Variants in ZNF28 observed in about 807,000 individuals in gnomAD.
ZNF28 encodes zinc finger protein KOX24.
A neutral mutation model predicts 7.2 loss-of-function variants in ZNF28; 5 were observed. The ratio of observed to expected loss-of-function variants is 0.70; its 90% CI spans 0.36 to 1.46. The LOEUF is 1.46. Ranked by LOEUF, ZNF28 falls within the 40% of genes most tolerant of loss-of-function variation. The pLI is 0.03. For synonymous variants in ZNF28, 288 were observed against 292.4 expected (o/e 0.99, Z 0.15); for missense variants, 879 against 866.6 (o/e 1.01, Z -0.18).
At chr19:52,818,094 C>T in intron 1 of ZNF28, 63 bp from the exon 2 acceptor site, 9 of 1,439,812 alleles carry the variant, frequency 6.3e-6, no homozygotes, top group Non-Finnish European at 8.5e-6. Flanking sequence ...TGTAACACAA[C>T]AACACATACA....
At chr19:52,814,669 G>A (rs1249520226) in intron 2 of ZNF28, among the ~76,000 whole-genome samples, 2 of 145,492 alleles carry the variant, frequency 1.4e-5, no homozygotes, top group African/African-American at 5.4e-5. Context: ...GGCAGATCAC[G>A]AGGTTAGGAA....
Position 52,800,995 on chromosome 19 carries a change from T to C in ZNF28, c.850A>G (p.Thr284Ala). Residue 284 changes from threonine to alanine, a missense_variant, in exon 4 of 4, where the codon ACA becomes GCA. Physicochemically the swap from Thr to Ala is moderately conservative, Grantham distance 58 (BLOSUM62 0). Coordinates refer to ENST00000457749, the MANE Select transcript of ZNF28 (RefSeq NM_006969.5). ...NECGKIFGHN[T>A]SLFLHKALHT... ...AGCGCCTTGTGAAGGAAGAGGGATG[T>C]ATTGTGACCAAAGATCTTGCCACAC... 1.2e-6 allele frequency: 2 copies of C among 1,614,066 alleles called. No homozygotes were observed. The highest frequency in any genetic ancestry group is 1.7e-6 in the Non-Finnish European group (2 of 1,179,994).
In ZNF28 at chr19:52,801,430, G is replaced by A. The variant is rs375465067; in HGVS notation, c.415C>T (p.Gln139Ter). The A allele has an allele frequency of 6.2e-7, 1 of 1,614,204 alleles. No homozygotes were observed. Among genetic ancestry groups the A allele is most frequent in the East Asian group, 2.2e-5 (1 of 44,882 alleles). The change falls in exon 4 of 4, where the codon CAG becomes TAG. Residue 139 changes from glutamine (Q) to a stop codon, truncating the protein, a stop_gained. Coordinates refer to ENST00000457749, the MANE Select transcript of ZNF28 (RefSeq NM_006969.5). LOFTEE classifies it low-confidence loss of function (END_TRUNC). ...TGCGAATGAAAGCTTAATCCAAGCT[G>A]ATCTTTAATATGCTTGTTTCCAGCA... ...RHAGNKHIKDQLGLSFHSHLP... is the reference protein window; with the variant it reads ...RHAGNKHIKD
Position 52,800,209 on chromosome 19 carries a change from T to C in ZNF28, c.1636A>G (p.Thr546Ala), listed in dbSNP as rs2062845335. The C allele has an allele frequency of 3.1e-6, 5 of 1,613,408 alleles. No homozygotes were observed. The African/African-American group carries it at 4.0e-5, about 13-fold the overall frequency. The change falls in exon 4 of 4, where the codon ACT becomes GCT. Residue 546 changes from threonine (T) to alanine (A), a missense_variant. Physicochemically the swap from Thr to Ala is moderately conservative, Grantham distance 58. Around this residue, in one of 2 missense-constraint regions of ZNF28, gnomAD observed 864 missense variants for 830.2 expected, o/e 1.04. Transcript: ENST00000457749. The part of the protein sequence containing the change: ...ANLACHHKLH[T>A]AEKPYKCEEC... ...TCACATTTGTACGGTTTCTCTGCAGTATGAAGTTTATGATGACATGCAAGG... is the reference window on the plus strand; with the variant it reads ...TCACATTTGTACGGTTTCTCTGCAGCATGAAGTTTATGATGACATGCAAGG...
At chr19:52,804,517 C>A (rs1347938948) in intron 3 of ZNF28, among the ~76,000 whole-genome samples, 1 of 152,098 alleles carries the variant, frequency 6.6e-6, no homozygotes, top group Non-Finnish European at 1.5e-5. Flanking sequence ...ATTACAGGCG[C>A]ACGCCACCAT....
At chr19:52,804,041 C>A (rs2062906463) in intron 3 of ZNF28, among the ~76,000 whole-genome samples, 1 of 152,178 alleles carries the variant, frequency 6.6e-6, no homozygotes, top group African/African-American at 2.4e-5. Context: ...CCTGCAGATG[C>A]AGACCTTGAG....
chr19:52,808,001 C>G lies in ZNF28; in HGVS notation c.142+6G>C. 6.2e-7 allele frequency: 1 copy of G among 1,613,070 alleles called. No homozygotes were observed. Among genetic ancestry groups the G allele is most frequent in the Non-Finnish European group, 8.5e-7 (1 of 1,179,306 alleles). On this transcript the variant is annotated splice_donor_region_variant and intron_variant, in intron 3 of 3. Transcript: ENST00000457749. The stretch of plus-strand genomic sequence containing the variant: ...CAAGGGCACATCCCCAGGAGGTTAT[C>G]CTCACCCAGGGAGACCAGGTTCCTA...
chr19:52,819,821 A>G (rs1025107191), intron 1 of ZNF28, among the ~76,000 whole-genome samples: 1 of 143,716 alleles, frequency 7.0e-6, no homozygotes, highest in Non-Finnish European at 1.5e-5. Context: ...TCCTTACAAG[A>G]AAATCACACT....
chr19:52,800,128 G>C lies in ZNF28; in HGVS notation c.1717C>G (p.His573Asp). Reference protein sequence around the residue: ...KSHMERHRRIHTGEKPYKCKV... With the variant: ...KSHMERHRRIDTGEKPYKCKV... ...CATTTGTACGGTTTCTCTCCAGTAT[G>C]AATCCTCCTATGTCTTTCCATGTGT... is the stretch of plus-strand genomic sequence containing the variant. The change falls in exon 4 of 4, where the codon CAT (histidine) becomes GAT (aspartate). Residue 573 changes from histidine (H) to aspartate (D), a missense_variant. His to Asp is a moderately conservative substitution (Grantham distance 81, BLOSUM62 -1). Around this residue, in one of 2 missense-constraint regions of ZNF28, gnomAD observed 864 missense variants for 830.2 expected, o/e 1.04. Coordinates refer to ENST00000457749, the MANE Select transcript of ZNF28 (RefSeq NM_006969.5). 1 of 1,614,010 alleles carries C rather than the reference G, an allele frequency of 6.2e-7. No homozygotes were observed. The highest frequency in any genetic ancestry group is 8.5e-7 in the Non-Finnish European group (1 of 1,179,950).
intron 3 of ZNF28, chr19:52,805,989 A>G (rs2062932431): frequency 6.6e-6 from 1 of 152,200 alleles, no homozygotes; most frequent in Non-Finnish European, 1.5e-5. Context: ...TCATAAATAC[A>G]TAAAGTAATT....
intron 3 of ZNF28, among the ~76,000 whole-genome samples, chr19:52,806,189 C>T (rs1412883513): frequency 1.7e-5 from 1 of 58,906 alleles, no homozygotes; most frequent in African/African-American, 4.4e-5. Context: ...TTGCAGGTTA[C>T]AGAATTTTTT....
intron 3 of ZNF28, among the ~76,000 whole-genome samples, chr19:52,804,531 C>T (rs1489651873): frequency 6.6e-6 from 1 of 152,134 alleles, no homozygotes; most frequent in Non-Finnish European, 1.5e-5. Context: ...CCACCATACA[C>T]AGCTAATTTT....
chr19:52,818,986 T>G, intron 1 of ZNF28, among the ~76,000 whole-genome samples: 1 of 130,174 alleles, frequency 7.7e-6, no homozygotes, highest in Non-Finnish European at 1.6e-5. Flanking sequence ...GAACTTCAGA[T>G]GGGGGTGGGA....
rs2062865488 is a variant in ZNF28 at position 52,801,226 on chromosome 19, T to C, written c.619A>G (p.Asn207Asp). 5.0e-6 allele frequency: 8 copies of C among 1,614,052 alleles called. No individual in the cohort carries two copies. The highest frequency in any genetic ancestry group is 6.8e-6 in the Non-Finnish European group (8 of 1,180,036). ...LHSSLLTQKR[N>D]VHMREKSFQC... ...AAAGATTTTTCTCTCATGTGTACAT[T>C]CCGTTTTTGTGTGAGTAATGAAGAA... The change falls in exon 4 of 4, where the codon AAT (asparagine) becomes GAT (aspartate). Residue 207 changes from asparagine to aspartate, a missense_variant. This residue lies in a region of ZNF28 where 864 missense variants were observed against 830.2 expected (regional missense o/e 1.04). Transcript: ENST00000457749.
chr19:52,820,645 A>T (rs12984004), intron 1 of ZNF28, among the ~76,000 whole-genome samples: 16,494 of 149,926 alleles, frequency 0.11, 706 homozygotes, highest in African/African-American at 0.23. Context: ...ACCCGGCTCC[A>T]CATCCCTCCT....
rs530240612 is a variant in ZNF28, at chr19:52,815,595, C to T, written c.15+2349G>A. ...ATCCCAGCACTTTGGGAGGCCGAGGCGGGCGAATCATGAGGTCAGGAGATC... is the reference window on the plus strand; with the variant it reads ...ATCCCAGCACTTTGGGAGGCCGAGGTGGGCGAATCATGAGGTCAGGAGATC... On this transcript the variant is annotated intron_variant, in intron 2 of 3. Transcript: ENST00000457749. Among the ~76,000 whole-genome samples the T allele has an allele frequency of 1.7e-4, 25 of 146,516 alleles. 4 individuals are homozygous for T. The highest frequency in any genetic ancestry group is 4.0e-4 in the East Asian group (2 of 4,982).
At chr19:52,821,519 A>C (rs942923249) in intron 1 of ZNF28, 67 bp downstream of exon 1, 20 of 152,350 alleles carry the variant, frequency 1.3e-4, no homozygotes, top group African/African-American at 4.6e-4. Context: ...GGGACCCCAC[A>C]TCCCATGTAC....
Position 52,798,812 on chromosome 19 carries a change from G to T in ZNF28, c.*876C>A. 1.2e-6 allele frequency: 1 copy of T among 843,346 alleles called. No homozygotes were observed. Among genetic ancestry groups the T allele is most frequent in the Non-Finnish European group, 1.9e-6 (1 of 531,590 alleles). 52.2% of individuals were successfully genotyped at this position (843,346 alleles called of 1,614,324 possible). A position where few individuals can be genotyped will look rare whatever the true frequency, so the allele number is the denominator to read the frequency against. On this transcript the variant is annotated 3_prime_UTR_variant, in exon 4 of 4. Coordinates refer to ENST00000457749, the MANE Select transcript of ZNF28 (RefSeq NM_006969.5). ...GATTCTCCAATGATTTGCAATGGTT[G>T]TAGCATTACTGAAAACTTTGTGACA...
chr19:52,802,002 T>C (rs541159234), intron 3 of ZNF28, among the ~76,000 whole-genome samples: 18 of 152,250 alleles, frequency 1.2e-4, no homozygotes, highest in African/African-American at 4.3e-4. Flanking sequence ...TATCACACTT[T>C]GCAAAAAACA....
Sources: allele counts gnomAD v4.1 joint callset (sites outside exome capture counted in the v4.1 genomes callset), GRCh38; gene constraint gnomAD v4.1.1; regional missense constraint gnomAD v4.1.1; transcripts MANE v1.5; gene names NCBI Gene and HGNC (gene_info 2026-07-23, HGNC 2026-07-21).